OCA2: variants seen among roughly 807,000 people sequenced by gnomAD.
OCA2 encodes the protein P protein.
Under a neutral mutation model 100.2 loss-of-function variants are expected in OCA2, and 77 were observed. The ratio of observed to expected loss-of-function variants is 0.77; its 90% confidence interval spans 0.64 to 0.93. The LOEUF (loss-of-function observed/expected upper bound fraction) is 0.93, where lower values mean the gene tolerates loss of function less well. Ranked by LOEUF, OCA2 falls within the 40% of genes least tolerant of loss-of-function variation. The pLI, the probability that OCA2 is intolerant of heterozygous loss-of-function variation, is 0.00. For synonymous variants in OCA2, 432 were observed against 439.2 expected (o/e 0.98, Z 0.21); for missense variants, 1,062 against 1,089.1 (o/e 0.98, Z 0.35).
chr15:27,932,562 G>A (rs1024820566), intron 18 of OCA2, among the ~76,000 whole-genome samples: 1 of 152,182 alleles, frequency 6.6e-6, no homozygotes, highest in Non-Finnish European at 1.5e-5. Context: ...GAAAAGACTG[G>A]AGAATTCCCA....
chr15:28,058,119 C>T (rs541869601), intron 2 of OCA2, among the ~76,000 whole-genome samples: 1 of 152,142 alleles, frequency 6.6e-6, no homozygotes, highest in African/African-American at 2.4e-5. Context: ...GGGAACTGAC[C>T]CTCAAAGCTT....
intron 2 of OCA2, among the ~76,000 whole-genome samples, chr15:28,065,422 A>G (rs911651198): frequency 2.0e-5 from 3 of 152,130 alleles, no homozygotes; most frequent in Admixed American, 1.3e-4. Flanking sequence ...ACTCTCTGAC[A>G]GTATCTTCAA....
At chr15:27,843,576 T>C (rs1311670474) in intron 23 of OCA2, among the ~76,000 whole-genome samples, 1 of 152,220 alleles carries the variant, frequency 6.6e-6, no homozygotes, top group East Asian at 1.9e-4. Context: ...TTCTGAACCC[T>C]GTCCCTTAGC....
intron 13 of OCA2, 146 bp from the exon 14 acceptor site, chr15:27,983,629 G>C (rs1236436685): frequency 2.3e-6 from 2 of 865,016 alleles, no homozygotes. Flanking sequence ...GTGCTGGGGG[G>C]AATGAACAAC....
chr15:27,961,699 C>G (rs2040415353), intron 15 of OCA2, among the ~76,000 whole-genome samples: 1 of 151,970 alleles, frequency 6.6e-6, no homozygotes, highest in Non-Finnish European at 1.5e-5. Flanking sequence ...AACACAGGAA[C>G]AGAAAACCAA....
At position 27,862,673 on chromosome 15, in the gene OCA2, C is replaced by T. The variant is rs1270999892; in HGVS notation, c.2244+8481G>A. ...TATTTTTAGTAGAGACAGGCTTTTA[C>T]CATGTTGGCCAGGCTGGTACCGAAC... On this transcript the variant is annotated intron_variant, in intron 21 of 23. Transcript: ENST00000354638. Among the ~76,000 whole-genome samples the T allele has an allele frequency of 2.0e-5, 3 of 152,186 alleles. No homozygotes were observed. In the East Asian group the frequency reaches 5.8e-4, roughly 30 times the overall value.
At chr15:27,961,791 G>A (rs2040418914) in intron 15 of OCA2, among the ~76,000 whole-genome samples, 1 of 151,934 alleles carries the variant, frequency 6.6e-6, no homozygotes, top group Non-Finnish European at 1.5e-5. Flanking sequence ...CACACCGGGG[G>A]CTGTCGGAGG....
intron 17 of OCA2, among the ~76,000 whole-genome samples, chr15:27,952,142 T>C (rs577931169): frequency 1.3e-5 from 2 of 152,356 alleles, no homozygotes; most frequent in African/African-American, 4.8e-5. Context: ...ATGAAACACC[T>C]GGCCGGCAGG....
At chr15:27,942,761 C>A (rs1386207881) in intron 18 of OCA2, among the ~76,000 whole-genome samples, 1 of 152,068 alleles carries the variant, frequency 6.6e-6, no homozygotes, top group Non-Finnish European at 1.5e-5. Flanking sequence ...TAATTCTACC[C>A]ACGGTGAGGA....
At chr15:28,015,729 C>A (rs143592696) in intron 8 of OCA2, among the ~76,000 whole-genome samples, 8 of 152,328 alleles carry the variant, frequency 5.3e-5, no homozygotes, top group African/African-American at 1.9e-4. Flanking sequence ...TATGATACGG[C>A]AGCCTTAGCT....
At chr15:27,806,516 G>C (rs1183516516) in intron 23 of OCA2, among the ~76,000 whole-genome samples, 1 of 152,182 alleles carries the variant, frequency 6.6e-6, no homozygotes, top group African/African-American at 2.4e-5. Flanking sequence ...AGAAGGGTCG[G>C]GGTAGAAGAC....
chr15:28,071,288 A>T (rs945974253), intron 2 of OCA2, among the ~76,000 whole-genome samples: 7 of 152,226 alleles, frequency 4.6e-5, no homozygotes, highest in South Asian at 2.1e-4. Flanking sequence ...TAAATAGAAA[A>T]ACATTTCATG....
chr15:27,770,919 C>CTCCCTCTTTTTTCTTCCTTCCT (rs2031757790), intron 23 of OCA2, among the ~76,000 whole-genome samples: 1 of 135,354 alleles, frequency 7.4e-6, no homozygotes, highest in African/African-American at 2.7e-5. Flanking sequence ...TCCCTCCTCC[C>CTCCCTCTTTTTTCTTCCTTCCT]TCCCTCTTTT....
chr15:28,069,391 C>T (rs866426204), intron 2 of OCA2, among the ~76,000 whole-genome samples: 459 of 7,976 alleles, frequency 0.058, 134 homozygotes, highest in African/African-American at 0.43. Context: ...CCTCCCCCTC[C>T]CCCTCCCCCT....
At chr15:28,044,036 T>TA (rs1339399043) in intron 2 of OCA2, among the ~76,000 whole-genome samples, 16 of 152,194 alleles carry the variant, frequency 1.1e-4, no homozygotes, top group Admixed American at 1.0e-3. Flanking sequence ...TACCTCCATA[T>TA]GTTATTGGAT....
In OCA2 at chr15:27,755,150, A is replaced by T; in HGVS notation, c.*238T>A. Reference sequence around the variant, plus strand: ...TCTGGAGGGGAATCTTGAGTAAGTTATCTCACATCTTTCTACATTTTGTCC... The same window carrying T: ...TCTGGAGGGGAATCTTGAGTAAGTTTTCTCACATCTTTCTACATTTTGTCC... On this transcript the variant is annotated 3_prime_UTR_variant, in exon 24 of 24. Transcript: ENST00000354638. The T allele has an allele frequency of 2.0e-6, 1 of 491,306 alleles. No homozygotes were observed. The highest frequency in any genetic ancestry group is 2.0e-5 in the South Asian group (1 of 48,900). The allele number at this position is 491,306 out of a possible 1,614,324, so 30.4% of individuals were successfully genotyped here.
intron 18 of OCA2, among the ~76,000 whole-genome samples, chr15:27,944,843 T>G (rs1213686919): frequency 3.9e-5 from 6 of 152,176 alleles, no homozygotes; most frequent in Admixed American, 2.6e-4. Flanking sequence ...AGGTCCTACA[T>G]GGGTAAAACT....
chr15:27,956,336 C>A (rs190631604), intron 16 of OCA2, among the ~76,000 whole-genome samples: 1 of 152,070 alleles, frequency 6.6e-6, no homozygotes, highest in African/African-American at 2.4e-5. Context: ...GGAACAAGAG[C>A]GAAACTCCGT....
chr15:27,747,247 G>C, the OCA2 span, among the ~76,000 whole-genome samples: 1 of 152,176 alleles, frequency 6.6e-6, no homozygotes, highest in Admixed American at 6.5e-5. Context: ...ACCCCTGCTG[G>C]GGCATGGTGA....
Sources: allele counts gnomAD v4.1 joint callset (sites outside exome capture counted in the v4.1 genomes callset), GRCh38; gene constraint gnomAD v4.1.1; transcripts MANE v1.5; gene names NCBI Gene and HGNC (gene_info 2026-07-23, HGNC 2026-07-21).